The following SLC8A1 variants were observed in gnomAD, a reference collection of about 807,000 sequenced individuals.
SLC8A1 encodes the protein solute carrier family 8 member A1, also known as sodium/calcium exchanger 1.
In SLC8A1, 18 loss-of-function variants were observed where a neutral mutation model predicts 68.3. The ratio of observed to expected loss-of-function variants is 0.26; its 90% CI spans 0.18 to 0.39. The LOEUF (loss-of-function observed/expected upper bound fraction) is 0.39. Ranked by LOEUF, SLC8A1 falls within the 10% of genes least tolerant of loss-of-function variation. The pLI is 1.00. For missense variants in SLC8A1, 985 were observed against 1,156.7 expected (o/e 0.85, Z 2.15); for synonymous variants, 475 against 415.5 (o/e 1.14, Z -1.74).
chr2:40,367,161 G>A (rs1226524536), intron 2 of SLC8A1, among the ~76,000 whole-genome samples: 4 of 151,966 alleles, frequency 2.6e-5, no homozygotes, highest in Non-Finnish European at 5.9e-5. Flanking sequence ...CCAAAGACAA[G>A]CTGTCACTTT....
In SLC8A1 at chr2:40,200,251, T is replaced by TAA. The variant is rs1317335960; in HGVS notation, c.1809-22397_1809-22396insTT. ...ATATATATATATAAATATATATATATATATATATATATATATAACCTCTTT... is the reference window on the plus strand; with the variant it reads ...ATATATATATATAAATATATATATATAAATATATATATATATATAACCTCTTT... On this transcript the variant is annotated intron_variant, in intron 2 of 7. Transcript: ENST00000406785. Among the ~76,000 whole-genome samples, 188 of 68,382 alleles carry TAA rather than the reference T, an allele frequency of 2.7e-3. 3 individuals carry two copies. Among genetic ancestry groups the TAA allele is most frequent in the Middle Eastern group, 5.0e-3 (1 of 200 alleles). The allele number at this position is 68,382 out of a possible 152,430, so 44.9% of individuals were successfully genotyped here.
At chr2:40,388,578 C>T (rs1052024314) in intron 2 of SLC8A1, among the ~76,000 whole-genome samples, 6 of 152,110 alleles carry the variant, frequency 3.9e-5, no homozygotes, top group Admixed American at 1.3e-4. Flanking sequence ...TATGTAGTGT[C>T]ATCACTAATT....
At chr2:40,098,669 A>G (rs2033715625) in exon 8 of SLC8A1, 1 of 152,054 alleles carries the variant, frequency 6.6e-6, no homozygotes, top group South Asian at 2.1e-4. Context: ...TAAATTTATC[A>G]TCAAATGCTG....
intron 2 of SLC8A1, among the ~76,000 whole-genome samples, chr2:40,258,752 G>C (rs2064286113): frequency 6.6e-6 from 1 of 151,986 alleles, no homozygotes; most frequent in Non-Finnish European, 1.5e-5. Context: ...TGACGCAGGA[G>C]AATCACTTGA....
At chr2:40,305,290 T>C (rs2072352986) in intron 2 of SLC8A1, among the ~76,000 whole-genome samples, 1 of 152,190 alleles carries the variant, frequency 6.6e-6, no homozygotes, top group South Asian at 2.1e-4. Context: ...AGTTTTCGAG[T>C]TCAGCACTGG....
chr2:40,322,821 AACAC>A (rs5830620), intron 2 of SLC8A1, among the ~76,000 whole-genome samples: 30,491 of 147,492 alleles, frequency 0.21, 3,714 homozygotes, highest in East Asian at 0.37. Context: ...TTTATTGGGT[AACAC>A]ACACACACAC....
At chr2:40,219,972 A>ATCT (rs1385229662) in intron 2 of SLC8A1, among the ~76,000 whole-genome samples, 1 of 151,668 alleles carries the variant, frequency 6.6e-6, no homozygotes, top group Non-Finnish European at 1.5e-5. Flanking sequence ...TGCCAAATAA[A>ATCT]TAAGATTTTT....
chr2:40,446,869 A>T (rs769399088), intron 1 of SLC8A1, among the ~76,000 whole-genome samples: 1 of 152,216 alleles, frequency 6.6e-6, no homozygotes, highest in Non-Finnish European at 1.5e-5. Flanking sequence ...GTGCTCAACA[A>T]ATGTCACTAA....
At chr2:40,488,225 GA>G (rs71406073) in intron 1 of SLC8A1, among the ~76,000 whole-genome samples, 21,161 of 132,202 alleles carry the variant, frequency 0.16, 1,772 homozygotes, top group Middle Eastern at 0.25. Context: ...TCTGTAGACA[GA>G]AAAAAAAAAA....
chr2:40,344,113 C>T (rs1330234264), intron 2 of SLC8A1, among the ~76,000 whole-genome samples: 1 of 151,966 alleles, frequency 6.6e-6, no homozygotes, highest in African/African-American at 2.4e-5. Context: ...ATAAGTGAGG[C>T]CATAGAGAAG....
chr2:40,274,226 T>C lies in SLC8A1; in HGVS notation c.1809-96371A>G, dbSNP rs528988917. 7.1e-4 allele frequency among the ~76,000 whole-genome samples: 106 copies of C among 149,540 alleles called. 1 individual carries two copies. The highest frequency in any genetic ancestry group is 2.6e-3 in the African/African-American group (104 of 40,380). The stretch of plus-strand genomic sequence containing the variant: ...TGATCACATTTGCATACTAGATTTC[T>C]ACCAAGGAAACCTGGGTACAGCATC... On this transcript the variant is annotated intron_variant, in intron 2 of 7. Transcript: ENST00000406785.
At chr2:40,211,895 C>A (rs1004835086) in intron 2 of SLC8A1, among the ~76,000 whole-genome samples, 1 of 152,104 alleles carries the variant, frequency 6.6e-6, no homozygotes, top group Non-Finnish European at 1.5e-5. Flanking sequence ...CTGTCACACA[C>A]TAAAAACATA....
chr2:40,430,502 T>C (rs1362755463), intron 1 of SLC8A1, among the ~76,000 whole-genome samples, 198 bp from the exon 2 acceptor site: 2 of 152,188 alleles, frequency 1.3e-5, no homozygotes, highest in Non-Finnish European at 1.5e-5. Flanking sequence ...CATCAGTGAC[T>C]AAGCAATCCT....
chr2:40,451,745 A>T lies in SLC8A1; in HGVS notation c.-25+159T>A, dbSNP rs961415013. On this transcript the variant is annotated intron_variant, in intron 1 of 7. Coordinates refer to ENST00000406785, the Ensembl canonical transcript of SLC8A1. ...GGCGCGCACACACCACATCACACACACACACACACACACACACACACACAC... is the reference window on the plus strand; with the variant it reads ...GGCGCGCACACACCACATCACACACTCACACACACACACACACACACACAC... Among the ~76,000 whole-genome samples, 696 of 107,468 alleles carry T rather than the reference A, an allele frequency of 6.5e-3. 4 individuals carry two copies. Among genetic ancestry groups the T allele is most frequent in the East Asian group, 0.048 (139 of 2,922 alleles). The allele number at this position is 107,468 out of a possible 152,430, so 70.5% of individuals were successfully genotyped here. A position where few individuals can be genotyped will look rare whatever the true frequency, so the allele number is the denominator to read the frequency against.
At chr2:40,222,052 G>C (rs531122181) in intron 2 of SLC8A1, among the ~76,000 whole-genome samples, 1 of 152,136 alleles carries the variant, frequency 6.6e-6, no homozygotes, top group African/African-American at 2.4e-5. Flanking sequence ...AAAAGAGCCT[G>C]TGTAGCCAAG....
intron 7 of SLC8A1, among the ~76,000 whole-genome samples, chr2:40,131,849 T>A (rs986814919): frequency 7.2e-6 from 1 of 138,246 alleles, no homozygotes; most frequent in African/African-American, 2.6e-5. Flanking sequence ...AGGATTATCT[T>A]GGTATTCTAT....
intron 2 of SLC8A1, among the ~76,000 whole-genome samples, chr2:40,206,922 G>T (rs960496520): frequency 6.6e-6 from 1 of 151,990 alleles, no homozygotes; most frequent in Non-Finnish European, 1.5e-5. Context: ...GTGAATTCAT[G>T]TGGAAAAAAC....
intron 2 of SLC8A1, among the ~76,000 whole-genome samples, chr2:40,192,612 T>C (rs964724225): frequency 4.6e-5 from 7 of 152,162 alleles, no homozygotes; most frequent in Admixed American, 6.6e-5. Context: ...GAATAAATCC[T>C]ATTCAATAAA....
intron 2 of SLC8A1, among the ~76,000 whole-genome samples, chr2:40,383,757 G>C (rs778370090): frequency 1.3e-5 from 2 of 152,014 alleles, no homozygotes; most frequent in African/African-American, 4.8e-5. Context: ...ATTTAACAAA[G>C]GTACAGATCC....
Sources: gnomAD v4.1 joint callset for allele counts (sites outside exome capture counted in the v4.1 genomes callset) on GRCh38, gnomAD v4.1.1 for gene constraint, MANE v1.5 for transcripts, NCBI Gene and HGNC (gene_info 2026-07-23, HGNC 2026-07-21) for gene names.